The following OSBPL9 variants were observed in gnomAD, a reference collection of about 807,000 sequenced individuals.
OSBPL9 encodes the protein oxysterol-binding protein-related protein 9.
OSBPL9 carries 40 observed loss-of-function variants against 106.6 expected under a neutral mutation model. That is an observed-to-expected ratio of 0.38 (90% CI 0.29 to 0.49). The LOEUF is 0.49. OSBPL9 is among the 20% of genes least tolerant of loss of function. The probability of loss-of-function intolerance (pLI) is 0.97; values close to 1 mark genes in which losing one functional copy is unlikely to be tolerated. For missense variants in OSBPL9, 609 were observed against 887.2 expected (o/e 0.69, Z 3.98); for synonymous variants, 269 against 295.4 (o/e 0.91, Z 0.92).
At chr1:51,736,076 T>C (rs1179905166) in intron 4 of OSBPL9, among the ~76,000 whole-genome samples, 3 of 152,134 alleles carry the variant, frequency 2.0e-5, no homozygotes, top group Non-Finnish European at 2.9e-5. Context: ...GGTGGGCACA[T>C]TGCAGAATTC....
At chr1:51,598,625 C>T (rs56386813) in intron 2 of OSBPL9, among the ~76,000 whole-genome samples, 2,512 of 152,270 alleles carry the variant, frequency 0.016, 21 homozygotes, top group Non-Finnish European at 0.026. Flanking sequence ...TGTGTGCCCG[C>T]GCACACACAT....
the OSBPL9 span, among the ~76,000 whole-genome samples, chr1:51,524,122 G>A: frequency 7.9e-5 from 12 of 152,296 alleles, no homozygotes; most frequent in Admixed American, 2.6e-4. Flanking sequence ...CATTGTTCGC[G>A]TTTGCCCAGG....
chr1:51,573,508 C>CAAA (rs961323006), upstream of OSBPL9, among the ~76,000 whole-genome samples: 726 of 25,020 alleles, frequency 0.029, 26 homozygotes, highest in Non-Finnish European at 0.043. Context: ...AACTCCATCT[C>CAAA]AAAAAAAAAA....
At chr1:51,786,286 C>CCTGG (rs1163672498) in intron 21 of OSBPL9, 1 of 464,556 alleles carries the variant, frequency 2.2e-6, no homozygotes, top group African/African-American at 2.0e-5. Context: ...TTACTGACTG[C>CCTGG]CTGGCACCAG....
chr1:51,663,202 T>G (rs755954175), intron 2 of OSBPL9, among the ~76,000 whole-genome samples: 2 of 152,104 alleles, frequency 1.3e-5, no homozygotes, highest in Non-Finnish European at 2.9e-5. Flanking sequence ...AAAACATTAT[T>G]GAAATTTAAA....
At chr1:51,783,535 A>G (rs1364671881) in intron 17 of OSBPL9, among the ~76,000 whole-genome samples, 1 of 152,112 alleles carries the variant, frequency 6.6e-6, no homozygotes, top group African/African-American at 2.4e-5. Context: ...TACAAAACCC[A>G]TGGATATGGA....
intron 3 of OSBPL9, among the ~76,000 whole-genome samples, chr1:51,676,101 T>G (rs1651120178): frequency 6.6e-6 from 1 of 152,192 alleles, no homozygotes; most frequent in African/African-American, 2.4e-5. Context: ...TTCCTCTTCA[T>G]TGTTATAAAA....
At chr1:51,782,468 G>A (rs527449356) in intron 16 of OSBPL9, 91 bp from the exon 17 acceptor site, 11 of 981,902 alleles carry the variant, frequency 1.1e-5, no homozygotes. Context: ...CTTGGTGTGT[G>A]TAGAGCGAGC....
intron 8 of OSBPL9, among the ~76,000 whole-genome samples, chr1:51,750,644 C>T (rs1669038957): frequency 6.6e-6 from 1 of 151,986 alleles, no homozygotes; most frequent in Non-Finnish European, 1.5e-5. Flanking sequence ...CTTCCTTATT[C>T]ATGAAACAAA....
intron 2 of OSBPL9, among the ~76,000 whole-genome samples, chr1:51,658,836 G>T (rs919341251): frequency 2.6e-5 from 4 of 151,674 alleles, no homozygotes; most frequent in African/African-American, 9.7e-5. Context: ...TCTGTATCCT[G>T]TAAGAACTTT....
At chr1:51,675,861 A>G (rs1651065765) in intron 3 of OSBPL9, among the ~76,000 whole-genome samples, 2 of 152,222 alleles carry the variant, frequency 1.3e-5, no homozygotes, top group African/African-American at 4.8e-5. Context: ...TGGGATAATA[A>G]TAATAATGGT....
intron 2 of OSBPL9, among the ~76,000 whole-genome samples, chr1:51,660,189 A>G (rs902485214): frequency 6.6e-6 from 1 of 152,196 alleles, no homozygotes; most frequent in African/African-American, 2.4e-5. Context: ...TTTCAGATGT[A>G]TAAGAGGTAT....
At chr1:51,636,849 A>C (rs1197810739) in intron 1 of OSBPL9, among the ~76,000 whole-genome samples, 2 of 152,130 alleles carry the variant, frequency 1.3e-5, no homozygotes, top group Non-Finnish European at 2.9e-5. Flanking sequence ...TCTGATCCAA[A>C]GGTCTTGGGA....
intron 15 of OSBPL9, among the ~76,000 whole-genome samples, chr1:51,777,402 TTATATATG>T (rs1275728323): frequency 6.6e-6 from 1 of 152,236 alleles, no homozygotes; most frequent in Non-Finnish European, 1.5e-5. Context: ...GCTTGCAATA[TTATATATG>T]TGTATATGTA....
At chr1:51,569,048 T>A in the OSBPL9 span, among the ~76,000 whole-genome samples, 3 of 152,256 alleles carry the variant, frequency 2.0e-5, no homozygotes, top group Admixed American at 2.0e-4. Flanking sequence ...TTACCTCCCA[T>A]GTTACCACTC....
At chr1:51,749,763 A>AT (rs1240039212) in intron 7 of OSBPL9, among the ~76,000 whole-genome samples, 1 of 150,212 alleles carries the variant, frequency 6.7e-6, no homozygotes, top group African/African-American at 2.5e-5. Context: ...GCTACTCGGG[A>AT]GGCTGAGACG....
the OSBPL9 span, among the ~76,000 whole-genome samples, chr1:51,537,118 G>T: frequency 1.3e-5 from 2 of 152,096 alleles, no homozygotes; most frequent in African/African-American, 4.8e-5. Context: ...TTTTTAGTTG[G>T]CATTCTACTG....
chr1:51,625,228 T>A (rs1025648992), intron 1 of OSBPL9, among the ~76,000 whole-genome samples: 1 of 152,190 alleles, frequency 6.6e-6, no homozygotes, highest in African/African-American at 2.4e-5. Context: ...TGGTGATAAT[T>A]TGTAGAAAGA....
At chr1:51,538,814 C>A in the OSBPL9 span, 1 of 152,178 alleles carries the variant, frequency 6.6e-6, no homozygotes, top group Non-Finnish European at 1.5e-5. Flanking sequence ...TCATCAGTGT[C>A]CAATATTTTC....
Sources: allele counts gnomAD v4.1 joint callset (sites outside exome capture counted in the v4.1 genomes callset), GRCh38; gene constraint gnomAD v4.1.1; transcripts MANE v1.5; gene names NCBI Gene and HGNC (gene_info 2026-07-23, HGNC 2026-07-21).